The following SDCCAG8 variants were observed in gnomAD, a reference collection of about 807,000 sequenced individuals.
SDCCAG8 encodes the protein SHH signaling and ciliogenesis regulator SDCCAG8.
SDCCAG8 carries 74 observed loss-of-function variants against 101.8 expected under a neutral mutation model. The ratio of observed to expected loss-of-function variants is 0.73; its 90% CI spans 0.60 to 0.88. The LOEUF (loss-of-function observed/expected upper bound fraction) is 0.88, where lower values mean the gene tolerates loss of function less well. Among genes scored for constraint, SDCCAG8 ranks in the 40% least tolerant of loss-of-function variants. SDCCAG8 has a pLI of 0.00. For missense variants in SDCCAG8, 787 were observed against 822.6 expected, an observed-to-expected ratio of 0.96 and a Z score of 0.53; for synonymous variants, 281 against 292.9, an observed-to-expected ratio of 0.96 and a Z score of 0.41.
At chr1:243,329,244 AT>A (rs1553312641) in intron 9 of SDCCAG8, among the ~76,000 whole-genome samples, 1 of 152,060 alleles carries the variant, frequency 6.6e-6, no homozygotes, top group Non-Finnish European at 1.5e-5. Flanking sequence ...CTTTTTACTC[AT>A]TGTATTTGTT....
chr1:243,448,758 G>A (rs2083128004), intron 16 of SDCCAG8, among the ~76,000 whole-genome samples: 1 of 152,124 alleles, frequency 6.6e-6, no homozygotes, highest in South Asian at 2.1e-4. Flanking sequence ...GACTCCTTAA[G>A]GACAGAAACC....
intron 12 of SDCCAG8, among the ~76,000 whole-genome samples, chr1:243,377,904 CAGATGTTCTAT>C (rs1337139196): frequency 1.3e-5 from 2 of 149,442 alleles, no homozygotes; most frequent in African/African-American, 2.5e-5. Flanking sequence ...CTTAATTTTA[CAGATGTTCTAT>C]TGATAAATAA....
intron 1 of SDCCAG8, chr1:243,267,491 A>G: frequency 2.8e-6 from 1 of 354,610 alleles, no homozygotes; most frequent in Non-Finnish European, 5.3e-6. Flanking sequence ...AATCCCAGCT[A>G]TTGGGGAGGC....
At chr1:243,322,924 CA>C (rs911151040) in intron 9 of SDCCAG8, among the ~76,000 whole-genome samples, 4 of 152,000 alleles carry the variant, frequency 2.6e-5, no homozygotes, top group African/African-American at 9.7e-5. Flanking sequence ...ATCACGAGGT[CA>C]AGAGATTGAG....
At chr1:243,268,774 G>C (rs2067838968) in intron 1 of SDCCAG8, among the ~76,000 whole-genome samples, 1 of 152,146 alleles carries the variant, frequency 6.6e-6, no homozygotes. Flanking sequence ...TGCTTTTCAA[G>C]GTCCTACAGA....
At chr1:243,334,044 C>T (rs1026617877) in intron 10 of SDCCAG8, among the ~76,000 whole-genome samples, 1 of 152,168 alleles carries the variant, frequency 6.6e-6, no homozygotes. Context: ...CACTATTTAT[C>T]CAGTTATCCA....
At chr1:243,491,413 A>G (rs1007401277) in intron 17 of SDCCAG8, among the ~76,000 whole-genome samples, 1 of 152,236 alleles carries the variant, frequency 6.6e-6, no homozygotes, top group Admixed American at 6.5e-5. Context: ...GCGGCCTTTC[A>G]GATTCAAATA....
At chr1:243,269,477 A>C (rs1258156873) in intron 1 of SDCCAG8, among the ~76,000 whole-genome samples, 2 of 152,034 alleles carry the variant, frequency 1.3e-5, no homozygotes, top group East Asian at 3.9e-4. Context: ...AGGGGTGGTC[A>C]GTTGCACTAA....
intron 13 of SDCCAG8, among the ~76,000 whole-genome samples, chr1:243,380,524 G>A (rs537782391): frequency 2.6e-5 from 4 of 152,266 alleles, no homozygotes; most frequent in South Asian, 4.1e-4. Context: ...GTCAAAGTCC[G>A]TAGAGAGTTT....
At chr1:243,307,690 G>C (rs1057278415) in intron 7 of SDCCAG8, 36 of 1,296,656 alleles carry the variant, frequency 2.8e-5, no homozygotes, top group Non-Finnish European at 3.2e-5. Flanking sequence ...AACATTAATG[G>C]AGGTTGGATC....
At chr1:243,354,225 G>A (rs984776994) in intron 12 of SDCCAG8, among the ~76,000 whole-genome samples, 3 of 152,190 alleles carry the variant, frequency 2.0e-5, no homozygotes, top group African/African-American at 4.8e-5. Context: ...AACACAGGAA[G>A]TATTTCTTTG....
intron 8 of SDCCAG8, among the ~76,000 whole-genome samples, chr1:243,311,731 A>G (rs1050085335): frequency 6.6e-6 from 1 of 151,724 alleles, no homozygotes; most frequent in Non-Finnish European, 1.5e-5. Flanking sequence ...TCTGGGCAAC[A>G]TAGGGAAACC....
At chr1:243,492,295 C>CAT (rs1666652943) in intron 17 of SDCCAG8, among the ~76,000 whole-genome samples, 1 of 63,124 alleles carries the variant, frequency 1.6e-5, no homozygotes, top group African/African-American at 6.7e-5. Flanking sequence ...CGTTTCTTGG[C>CAT]TTTTTTTTTT....
chr1:243,372,475 A>T (rs906280688), intron 12 of SDCCAG8, among the ~76,000 whole-genome samples: 8 of 152,048 alleles, frequency 5.3e-5, no homozygotes, highest in Non-Finnish European at 1.2e-4. Context: ...TTGAATTAAG[A>T]TGTTATATAA....
chr1:243,461,374 G>C (rs1326126581), intron 16 of SDCCAG8, among the ~76,000 whole-genome samples: 2 of 152,210 alleles, frequency 1.3e-5, no homozygotes, highest in Non-Finnish European at 2.9e-5. Context: ...ATTCCAGTCT[G>C]TGCTCTGAAA....
chr1:243,312,357 G>T (rs1274399094), intron 8 of SDCCAG8, among the ~76,000 whole-genome samples: 1 of 152,162 alleles, frequency 6.6e-6, no homozygotes, highest in Non-Finnish European at 1.5e-5. Context: ...GCAGCTTTCA[G>T]CTCCTTTGTT....
chr1:243,328,182 A>G (rs2970545), intron 9 of SDCCAG8, among the ~76,000 whole-genome samples: 150,886 of 152,256 alleles, frequency 0.99, 74,780 homozygotes, highest in East Asian at 1. Context: ...GATTAAAGAC[A>G]TGAGCCACTG....
intron 16 of SDCCAG8, among the ~76,000 whole-genome samples, chr1:243,446,239 G>GC (rs2082894195): frequency 6.6e-6 from 1 of 152,190 alleles, no homozygotes; most frequent in Non-Finnish European, 1.5e-5. Flanking sequence ...AGAAGAATGT[G>GC]CATTGCATTC....
At chr1:243,452,711 A>G (rs779708272) in intron 16 of SDCCAG8, among the ~76,000 whole-genome samples, 7 of 152,028 alleles carry the variant, frequency 4.6e-5, no homozygotes, top group Non-Finnish European at 7.4e-5. Flanking sequence ...ATAGGTGTGA[A>G]CCACCGTGCC....
Sources: allele counts gnomAD v4.1 joint callset (sites outside exome capture counted in the v4.1 genomes callset), GRCh38; gene constraint gnomAD v4.1.1; transcripts MANE v1.5; gene names NCBI Gene and HGNC (gene_info 2026-07-23, HGNC 2026-07-21).